Variants in PPP4R3B observed in about 807,000 individuals in gnomAD.
PPP4R3B encodes the protein protein phosphatase 4 regulatory subunit 3B.
A neutral mutation model predicts 95.4 loss-of-function variants in PPP4R3B; 52 were observed. That is an observed-to-expected ratio of 0.54 (90% confidence interval 0.44 to 0.69). The LOEUF (loss-of-function observed/expected upper bound fraction) is 0.69, where lower values mean the gene tolerates loss of function less well. Ranked by LOEUF, PPP4R3B falls within the 30% of genes least tolerant of loss-of-function variation. The pLI is 0.00. For missense variants in PPP4R3B, 1,003 were observed against 1,005.9 expected, an observed-to-expected ratio of 1.00 and a Z score of 0.04; for synonymous variants, 407 against 343.9, an observed-to-expected ratio of 1.18 and a Z score of -2.03.
At chr2:55,554,511 A>G (rs530065726) in intron 16 of PPP4R3B, among the ~76,000 whole-genome samples, 77 of 152,238 alleles carry the variant, frequency 5.1e-4, no homozygotes, top group Non-Finnish European at 9.4e-4. Flanking sequence ...TAATGATGCT[A>G]AACATCTTTC....
chr2:55,601,103 C>T (rs1692532960), intron 3 of PPP4R3B, among the ~76,000 whole-genome samples: 1 of 146,604 alleles, frequency 6.8e-6, no homozygotes, highest in African/African-American at 2.6e-5. Context: ...TTAGATCACA[C>T]CACTGCATTC....
intron 2 of PPP4R3B, among the ~76,000 whole-genome samples, chr2:55,605,022 G>C (rs1007062197): frequency 6.6e-6 from 1 of 151,846 alleles, no homozygotes; most frequent in Non-Finnish European, 1.5e-5. Flanking sequence ...GTAGAGACAG[G>C]GTTTCACCAT....
In PPP4R3B at chr2:55,564,449, G is replaced by A. The variant is rs776422929; in HGVS notation, c.2124C>T (p.Ala708=). 2 of 1,612,708 alleles carry A rather than the reference G, an allele frequency of 1.2e-6. No homozygotes were observed. The highest frequency in any genetic ancestry group is 2.2e-5 in the South Asian group (2 of 90,894). Reference sequence around the variant, plus strand: ...ACCACATTTCTTCATCCTCTTCCAAGGCTTTTGCATCTCTGCGAAATCTGT... The same window carrying A: ...ACCACATTTCTTCATCCTCTTCCAAAGCTTTTGCATCTCTGCGAAATCTGT... ...RSNRFRRDAK[A]LEEDEEMWFN... is the part of the protein sequence containing the mutation. Residue 708 remains alanine (A), a synonymous_variant, in exon 15 of 17, where the codon GCC becomes GCT. Coordinates refer to ENST00000616407, the MANE Select transcript of PPP4R3B (RefSeq NM_001122964.3).
At chr2:55,596,346 G>GAA (rs5831372) in intron 4 of PPP4R3B, among the ~76,000 whole-genome samples, 6 of 151,650 alleles carry the variant, frequency 4.0e-5, no homozygotes, top group East Asian at 3.9e-4. Flanking sequence ...CGTCTATTTC[G>GAA]AAAAAAAAAA....
chr2:55,559,276 G>A (rs1686273058), intron 15 of PPP4R3B, among the ~76,000 whole-genome samples: 2 of 152,024 alleles, frequency 1.3e-5, no homozygotes, highest in South Asian at 4.1e-4. Context: ...AACCTGGGAG[G>A]CAGAGGTTGT....
At chr2:55,582,688 A>G (rs948510459) in intron 7 of PPP4R3B, among the ~76,000 whole-genome samples, 4 of 152,238 alleles carry the variant, frequency 2.6e-5, no homozygotes, top group East Asian at 3.8e-4. Context: ...TAGCATCTGC[A>G]TATCTTAGGT....
intron 16 of PPP4R3B, among the ~76,000 whole-genome samples, chr2:55,553,073 T>C (rs905648598): frequency 6.6e-6 from 1 of 152,120 alleles, no homozygotes; most frequent in African/African-American, 2.4e-5. Context: ...CATCACCAAC[T>C]ACAGAGAATT....
intron 8 of PPP4R3B, 28 bp from the exon 9 acceptor site, chr2:55,579,809 C>T (rs764360171): frequency 1.3e-5 from 18 of 1,407,052 alleles, no homozygotes; most frequent in Non-Finnish European, 1.7e-5. Flanking sequence ...TTAAACAATA[C>T]TGTTACTTAT....
chr2:55,565,991 A>G (rs1455016447), intron 13 of PPP4R3B: 1 of 152,226 alleles, frequency 6.6e-6, no homozygotes, highest in African/African-American at 2.4e-5. Flanking sequence ...CAATAGTATA[A>G]TATCTGTGAA....
Position 55,548,029 on chromosome 2 carries a change from G to A in PPP4R3B, c.*1882C>T, listed in dbSNP as rs1341893672. ...AAAATTTGATGATTCAAAGAAAGTG[G>A]ATGGGAACTTTACTGATCTTAGTTT... On this transcript the variant is annotated 3_prime_UTR_variant, in exon 17 of 17. Coordinates refer to ENST00000616407, the MANE Select transcript of PPP4R3B (RefSeq NM_001122964.3). The A allele has an allele frequency of 6.6e-6, 1 of 152,218 alleles. No homozygotes were observed. Among genetic ancestry groups the A allele is most frequent in the Non-Finnish European group, 1.5e-5 (1 of 68,038 alleles). 9.4% of individuals were successfully genotyped at this position (152,218 alleles called of 1,614,324 possible).
intron 15 of PPP4R3B, among the ~76,000 whole-genome samples, chr2:55,563,114 C>A (rs1686834875): frequency 6.6e-6 from 1 of 152,216 alleles, no homozygotes; most frequent in Admixed American, 6.5e-5. Flanking sequence ...CAGGGCAGTA[C>A]CTGTAATGAG....
At position 55,548,997 on chromosome 2, in the gene PPP4R3B, C is replaced by T. The variant is rs1408919550; in HGVS notation, c.*914G>A. ...CAAAATGGCTTCTAGATACTAAATG[C>T]CACTTAATTCAGCACTATTCTTGGT... On this transcript the variant is annotated 3_prime_UTR_variant, in exon 17 of 17. Coordinates refer to ENST00000616407, the MANE Select transcript of PPP4R3B (RefSeq NM_001122964.3). 1 of 152,462 alleles carries T rather than the reference C, an allele frequency of 6.6e-6. No homozygotes were observed. The highest frequency in any genetic ancestry group is 6.6e-5 in the Admixed American group (1 of 15,260). 9.4% of individuals were successfully genotyped at this position (152,462 alleles called of 1,614,324 possible).
Position 55,549,993 on chromosome 2 carries a change from C to T in PPP4R3B, c.2468G>A (p.Gly823Asp). Residue 823 changes from glycine to aspartate, a missense_variant, in exon 17 of 17, where the codon GGC becomes GAC. By Grantham distance (94) the Gly-to-Asp change is moderately conservative. Transcript: ENST00000616407. Reference sequence around the variant, plus strand: ...TTCATCATCTGGATAATCCACTAAGCCAACCAAACTTCCCTATTGAAGAAT... The same window carrying T: ...TTCATCATCTGGATAATCCACTAAGTCAACCAAACTTCCCTATTGAAGAAT... ...SVTATKGSLV[G>D]LVDYPDDEEE... is the part of the protein sequence containing the mutation. 6.2e-7 allele frequency: 1 copy of T among 1,605,934 alleles called. No homozygotes were observed. The highest frequency in any genetic ancestry group is 8.5e-7 in the Non-Finnish European group (1 of 1,178,196).
At chr2:55,580,181 A>T (rs1302338479) in intron 8 of PPP4R3B, among the ~76,000 whole-genome samples, 1 of 152,174 alleles carries the variant, frequency 6.6e-6, no homozygotes, top group Non-Finnish European at 1.5e-5. Flanking sequence ...ATTGTACAAC[A>T]TATATAATAA....
intron 7 of PPP4R3B, 70 bp from the exon 8 acceptor site, chr2:55,581,768 C>A: frequency 6.7e-7 from 1 of 1,501,374 alleles, no homozygotes. Flanking sequence ...ACAAAAACAC[C>A]AACTGAAAGA....
At chr2:55,616,901 G>T (rs1695023091) in intron 1 of PPP4R3B, among the ~76,000 whole-genome samples, 1 of 152,108 alleles carries the variant, frequency 6.6e-6, no homozygotes, top group South Asian at 2.1e-4. Flanking sequence ...CTTCAAAAGA[G>T]GAGGGACTGG....
At chr2:55,566,273 CTATGT>C (rs974075416) in intron 13 of PPP4R3B, among the ~76,000 whole-genome samples, 2 of 152,020 alleles carry the variant, frequency 1.3e-5, no homozygotes, top group Non-Finnish European at 2.9e-5. Context: ...GGTAATGGCT[CTATGT>C]TATATGTGAA....
chr2:55,555,278 T>TAAAAAAAAAAAAAAAA (rs372423262), intron 16 of PPP4R3B, among the ~76,000 whole-genome samples: 3 of 108,852 alleles, frequency 2.8e-5, no homozygotes, highest in South Asian at 3.0e-4. Flanking sequence ...AGACTCCGTC[T>TAAAAAAAAAAAAAAAA]AAAAAAAAAA....
intron 1 of PPP4R3B, chr2:55,616,715 C>A (rs72923716): frequency 0.028 from 4,214 of 152,810 alleles, 206 homozygotes; most frequent in African/African-American, 0.096. Context: ...GCACCTGGGG[C>A]CCGTTGGTAC....
Sources: gnomAD v4.1 joint callset for allele counts (sites outside exome capture counted in the v4.1 genomes callset) on GRCh38, gnomAD v4.1.1 for gene constraint, MANE v1.5 for transcripts, NCBI Gene and HGNC (gene_info 2026-07-23, HGNC 2026-07-21) for gene names.